Variants in C1orf167 observed in about 807,000 individuals in gnomAD.
C1orf167 encodes uncharacterized protein C1orf167.
Under a neutral mutation model 176.5 loss-of-function variants are expected in C1orf167, and 153 were observed. The ratio of observed to expected loss-of-function variants is 0.87; its 90% CI spans 0.76 to 0.99. The LOEUF is 0.99. Among genes scored for constraint, C1orf167 ranks in the 50% least tolerant of loss-of-function variants. The pLI, the probability that C1orf167 is intolerant of heterozygous loss-of-function variation, is 0.00. For missense variants in C1orf167, 1,490 were observed against 1,817.7 expected (o/e 0.82, Z 3.28); for synonymous variants, 594 against 752.7 (o/e 0.79, Z 3.45).
Position 11,766,961 on chromosome 1 carries a change from C to T in C1orf167, c.1175C>T (p.Thr392Ile). 1.7e-6 allele frequency: 2 copies of T among 1,207,692 alleles called. No individual in the cohort carries two copies. The highest frequency in any genetic ancestry group is 2.1e-6 in the Non-Finnish European group (2 of 949,414). 74.8% of individuals were successfully genotyped at this position (1,207,692 alleles called of 1,614,324 possible). A position where few individuals can be genotyped will look rare whatever the true frequency, so the allele number is the denominator to read the frequency against. Reference protein sequence around the residue: ...TDPCSSAFSNTAWGVSPKQKG... With the variant: ...TDPCSSAFSNIAWGVSPKQKG... ...CCCTGTTCCTCAGCCTTCTCCAACA[C>T]AGCCTGGGGAGTCTCACCCAAGCAG... The change falls in exon 3 of 21, where the codon ACA becomes ATA. Residue 392 changes from threonine (T) to isoleucine (I), a missense_variant. By Grantham distance (89) the Thr-to-Ile change is moderately conservative. Transcript: ENST00000688073. The surrounding 1 kb of genome is among the most constrained non-coding windows in gnomAD (Gnocchi z 4.5).
chr1:11,776,351 C>T (rs536016156), intron 9 of C1orf167, 113 bp from the exon 10 acceptor site: 44 of 965,340 alleles, frequency 4.6e-5, no homozygotes, highest in African/African-American at 3.9e-4. Flanking sequence ...AGCGGTGGGA[C>T]GGGACAAGAG....
intron 9 of C1orf167, 40 bp downstream of exon 9, chr1:11,775,650 C>G: frequency 7.9e-7 from 1 of 1,271,644 alleles, no homozygotes; most frequent in Non-Finnish European, 1.0e-6. Context: ...AACCGTGTCA[C>G]TTAAGCCCCT....
At position 11,766,577 on chromosome 1, in the gene C1orf167, G is replaced by A; in HGVS notation, c.791G>A (p.Gly264Asp). ...LRCQAPQEPP[G>D]AVQQDLWTGG... is the part of the protein sequence containing the mutation. ...TGCCAGGCTCCCCAGGAACCCCCCG[G>A]TGCTGTGCAGCAGGACCTCTGGACC... is the stretch of plus-strand genomic sequence containing the variant. The change falls in exon 3 of 21, where the codon GGT becomes GAT. Residue 264 changes from glycine (G) to aspartate (D), a missense_variant. Transcript: ENST00000688073. This position sits in a 1 kb window ranked among gnomAD's most constrained non-coding sequence, Gnocchi z 4.5. 2 of 1,263,586 alleles carry A rather than the reference G, an allele frequency of 1.6e-6. No individual in the cohort carries two copies. The highest frequency in any genetic ancestry group is 2.6e-5 in the South Asian group (2 of 75,524). The allele number at this position is 1,263,586 out of a possible 1,614,324, so 78.3% of individuals were successfully genotyped here.
rs756646306 is a variant in C1orf167, at chr1:11,779,950, C to T, written c.2800C>T (p.Gln934Ter). The T allele has an allele frequency of 7.7e-7, 1 of 1,299,654 alleles. No homozygotes were observed. Among genetic ancestry groups the T allele is most frequent in the African/African-American group, 1.5e-5 (1 of 65,768 alleles). The allele number at this position is 1,299,654 out of a possible 1,614,324, so 80.5% of individuals were successfully genotyped here. ...LQSRLVEWWA[Q>*]ERGWRLARDA... Reference sequence around the variant, plus strand: ...GTCACGGCTGGTGGAGTGGTGGGCCCAGGAGCGGGGCTGGCGGCTGGCACG... The same window carrying T: ...GTCACGGCTGGTGGAGTGGTGGGCCTAGGAGCGGGGCTGGCGGCTGGCACG... Residue 934 changes from glutamine to a stop codon, truncating the protein, a stop_gained, in exon 13 of 21, where the codon CAG becomes TAG. Transcript: ENST00000688073. LOFTEE classifies it high-confidence loss of function.
Position 11,762,248 on chromosome 1 carries a change from C to T in C1orf167, c.-128C>T, listed in dbSNP as rs72856862. Reference sequence around the variant, plus strand: ...CTGCGGGGATCGTTAGCGGTCCCAGCCCCCGTCTAGATTCAAATCCGACTG... The same window carrying T: ...CTGCGGGGATCGTTAGCGGTCCCAGTCCCCGTCTAGATTCAAATCCGACTG... On this transcript the variant is annotated 5_prime_UTR_variant, in exon 1 of 21. Coordinates refer to ENST00000688073, the MANE Select transcript of C1orf167 (RefSeq NM_001010881.2). 621 of 435,940 alleles carry T rather than the reference C, an allele frequency of 1.4e-3. 6 individuals are homozygous for T. Among genetic ancestry groups the T allele is most frequent in the African/African-American group, 0.01 (506 of 49,632 alleles). The allele number at this position is 435,940 out of a possible 1,614,324, so 27.0% of individuals were successfully genotyped here.
chr1:11,772,915 T>TATTATTATTATTATTATTTTA (rs1570396926), intron 8 of C1orf167, among the ~76,000 whole-genome samples: 2 of 151,296 alleles, frequency 1.3e-5, no homozygotes, highest in African/African-American at 2.4e-5. Flanking sequence ...TTATTATTAT[T>TATTATTATTATTATTATTTTA]TGAGACGGAG....
intron 1 of C1orf167, among the ~76,000 whole-genome samples, chr1:11,762,509 A>G: frequency 6.6e-6 from 1 of 152,104 alleles, no homozygotes; most frequent in Non-Finnish European, 1.5e-5. Flanking sequence ...CTGTGGATTG[A>G]GCGGCCTCAA....
In C1orf167 at chr1:11,765,721, G is replaced by A. The variant is rs1239073791; in HGVS notation, c.71-136G>A. 6.0e-6 allele frequency: 5 copies of A among 834,474 alleles called. No individual in the cohort carries two copies. In the African/African-American group the frequency reaches 9.0e-5, roughly 15 times the overall value. 51.7% of individuals were successfully genotyped at this position (834,474 alleles called of 1,614,324 possible). A position where few individuals can be genotyped will look rare whatever the true frequency, so the allele number is the denominator to read the frequency against. On this transcript the variant is annotated intron_variant, in intron 2 of 20. Transcript: ENST00000688073. ...GGCTTCACCCAGGGAGACAGAGCTG[G>A]CAGAAGACCCTGGAAGTCTTAGCTC...
At position 11,788,213 on chromosome 1, in the gene C1orf167, C is replaced by G; in HGVS notation, c.3913C>G (p.Leu1305Val). The G allele has an allele frequency of 7.7e-7, 1 of 1,303,318 alleles. No individual in the cohort carries two copies. Among genetic ancestry groups the G allele is most frequent in the Non-Finnish European group, 1.0e-6 (1 of 988,132 alleles). The allele number at this position is 1,303,318 out of a possible 1,614,324, so 80.7% of individuals were successfully genotyped here. A position where few individuals can be genotyped will look rare whatever the true frequency, so the allele number is the denominator to read the frequency against. ...CCATGGCTCTGCCCTCCTTCTGGCC[C>G]TGAAGGGTCACGATGCTCTTGGCCA... is the stretch of plus-strand genomic sequence containing the variant. ...QAHGSALLLA[L>V]KGHDALGHQE... Residue 1305 changes from leucine (L) to valine (V), a missense_variant, in exon 19 of 21, where the codon CTG becomes GTG. By Grantham distance (32) the Leu-to-Val change is conservative. Coordinates refer to ENST00000688073, the MANE Select transcript of C1orf167 (RefSeq NM_001010881.2).
chr1:11,780,055 C>T, intron 13 of C1orf167, 45 bp downstream of exon 13: 2 of 1,221,074 alleles, frequency 1.6e-6, no homozygotes, highest in Non-Finnish European at 1.1e-6. Flanking sequence ...AGGGCAGGGC[C>T]AGGGTCTGTC....
Position 11,787,880 on chromosome 1 carries a change from G to T in C1orf167, c.3681G>T (p.Arg1227Ser), listed in dbSNP as rs1643932875. The T allele has an allele frequency of 1.6e-6, 2 of 1,227,654 alleles. No homozygotes were observed. The highest frequency in any genetic ancestry group is 2.1e-6 in the Non-Finnish European group (2 of 951,364). The allele number at this position is 1,227,654 out of a possible 1,614,324, so 76.0% of individuals were successfully genotyped here. ...CTCAACTCCCCTTTCCAGGGTGCAGGGAACATTCCCTCTGCCCTGCCTTCC... is the reference window on the plus strand; with the variant it reads ...CTCAACTCCCCTTTCCAGGGTGCAGTGAACATTCCCTCTGCCCTGCCTTCC... ...PRGTAWAQRC[R>S]EHSLCPAFQL... Residue 1227 changes from arginine to serine, a missense_variant, in exon 18 of 21, where the codon AGG becomes AGT. Transcript: ENST00000688073.
intron 10 of C1orf167, 128 bp from the exon 11 acceptor site, chr1:11,778,532 C>T: frequency 1.2e-6 from 1 of 805,944 alleles, no homozygotes; most frequent in Non-Finnish European, 1.7e-6. Context: ...AGCCCAGCGT[C>T]TGGCCTGTGG....
intron 4 of C1orf167, among the ~76,000 whole-genome samples, chr1:11,767,659 C>T (rs1489146081): frequency 1.3e-5 from 2 of 151,746 alleles, no homozygotes; most frequent in African/African-American, 2.4e-5. Context: ...CCCGTCTCTA[C>T]AAAAAAAATT....
At position 11,762,252 on chromosome 1, in the gene C1orf167, C is replaced by G. The variant is rs769466394; in HGVS notation, c.-124C>G. On this transcript the variant is annotated 5_prime_UTR_variant, in exon 1 of 21. Transcript: ENST00000688073. ...GGGGATCGTTAGCGGTCCCAGCCCC[C>G]GTCTAGATTCAAATCCGACTGGGTG... 2 of 432,604 alleles carry G rather than the reference C, an allele frequency of 4.6e-6. No individual in the cohort carries two copies. Among genetic ancestry groups the G allele is most frequent in the African/African-American group, 2.0e-5 (1 of 49,514 alleles). The allele number at this position is 432,604 out of a possible 1,614,324, so 26.8% of individuals were successfully genotyped here. A position where few individuals can be genotyped will look rare whatever the true frequency, so the allele number is the denominator to read the frequency against.
intron 14 of C1orf167, among the ~76,000 whole-genome samples, chr1:11,783,162 A>G (rs991287918): frequency 6.6e-6 from 1 of 152,182 alleles, no homozygotes; most frequent in Non-Finnish European, 1.5e-5. Flanking sequence ...GCGAATGTTC[A>G]GTGTCCCCGT....
chr1:11,775,583 C>T lies in C1orf167; in HGVS notation c.2137C>T (p.Gln713Ter). The T allele has an allele frequency of 7.7e-7, 1 of 1,303,618 alleles. No homozygotes were observed. The highest frequency in any genetic ancestry group is 2.3e-5 in the Admixed American group (1 of 43,410). 80.8% of individuals were successfully genotyped at this position (1,303,618 alleles called of 1,614,324 possible). A position where few individuals can be genotyped will look rare whatever the true frequency, so the allele number is the denominator to read the frequency against. The change falls in exon 9 of 21, where the codon CAG becomes TAG. Residue 713 changes from glutamine (Q) to a stop codon, truncating the protein, a stop_gained. Transcript: ENST00000688073. LOFTEE classifies it high-confidence loss of function. Reference sequence around the variant, plus strand: ...GGAATCAGATGGGGCAAAGGTGACCCAGCTGTCCCTCTGCCGGCAGAAAGC... The same window carrying T: ...GGAATCAGATGGGGCAAAGGTGACCTAGCTGTCCCTCTGCCGGCAGAAAGC... ...LRESDGAKVTQLSLCRQKAGR... is the reference protein window; with the variant it reads ...LRESDGAKVT
rs766698296 is a variant in C1orf167, at chr1:11,785,163, G to A, written c.3441G>A (p.Ser1147=). 5 of 1,291,280 alleles carry A rather than the reference G, an allele frequency of 3.9e-6. No homozygotes were observed. Among genetic ancestry groups the A allele is most frequent in the South Asian group, 3.7e-5 (3 of 80,978 alleles). 80.0% of individuals were successfully genotyped at this position (1,291,280 alleles called of 1,614,324 possible). Residue 1147 remains serine (S), a synonymous_variant, in exon 16 of 21, where the codon TCG becomes TCA. Transcript: ENST00000688073. ...TCTCCCGCAGGGTCCTAGAGGCCTC[G>A]GTGCAGTCGGCGGTGCGCGGCGGTG... The part of the protein sequence containing the change: ...WKPRAWVLEA[S]VQSAVRGGVQ...
At position 11,766,115 on chromosome 1, in the gene C1orf167, G is replaced by A. The variant is rs1388744279; in HGVS notation, c.329G>A (p.Arg110Lys). 7.8e-7 allele frequency: 1 copy of A among 1,289,882 alleles called. No homozygotes were observed. The highest frequency in any genetic ancestry group is 2.3e-5 in the Admixed American group (1 of 43,578). The allele number at this position is 1,289,882 out of a possible 1,614,324, so 79.9% of individuals were successfully genotyped here. Reference protein sequence around the residue: ...QQSNLQSLARRRQGKAREFAI... With the variant: ...QQSNLQSLARKRQGKAREFAI... ...AGCAACCTGCAGTCCCTGGCCAGGA[G>A]GCGCCAAGGGAAGGCCCGAGAGTTT... The change falls in exon 3 of 21, where the codon AGG (arginine) becomes AAG (lysine). Residue 110 changes from arginine (R) to lysine (K), a missense_variant. Transcript: ENST00000688073. This position sits in a 1 kb window ranked among gnomAD's most constrained non-coding sequence, Gnocchi z 4.5.
At position 11,782,312 on chromosome 1, in the gene C1orf167, C is replaced by T; in HGVS notation, c.2984C>T (p.Pro995Leu). Residue 995 changes from proline to leucine, a missense_variant, in exon 14 of 21, where the codon CCA becomes CTA. Physicochemically the swap from Pro to Leu is moderately conservative, Grantham distance 98 (BLOSUM62 -3). Transcript: ENST00000688073. Reference protein sequence around the residue: ...AAHQRCTVTRPEQLLLQSYFQ... With the variant: ...AAHQRCTVTRLEQLLLQSYFQ... ...CATCAGAGATGCACAGTGACCCGGC[C>T]AGAGCAGCTGCTACTGCAGAGGTGG... 7.8e-6 allele frequency: 10 copies of T among 1,280,524 alleles called. No homozygotes were observed. Among genetic ancestry groups the T allele is most frequent in the Non-Finnish European group, 1.0e-5 (10 of 979,334 alleles). 79.3% of individuals were successfully genotyped at this position (1,280,524 alleles called of 1,614,324 possible).
Sources: gnomAD v4.1 joint callset for allele counts (sites outside exome capture counted in the v4.1 genomes callset) on GRCh38, gnomAD v4.1.1 for gene constraint, Gnocchi (gnomAD v3.1) non-coding constraint, MANE v1.5 for transcripts, NCBI Gene and HGNC (gene_info 2026-07-23, HGNC 2026-07-21) for gene names.